CERS6: variants seen among roughly 807,000 people sequenced by gnomAD.
CERS6 encodes the protein LAG1 homolog, ceramide synthase 6.
A neutral mutation model predicts 56.8 loss-of-function variants in CERS6; 26 were observed. The observed-to-expected ratio is 0.46, with a 90% CI of 0.34 to 0.63. The LOEUF (loss-of-function observed/expected upper bound fraction) is 0.63, where lower values mean the gene tolerates loss of function less well. CERS6 is among the 30% of genes least tolerant of loss of function. The pLI, the probability that CERS6 is intolerant of heterozygous loss-of-function variation, is 0.01. For missense variants in CERS6, 415 were observed against 467.5 expected (o/e 0.89, Z 1.04); for synonymous variants, 164 against 173.3 (o/e 0.95, Z 0.42).
chr2:168,725,017 G>A (rs569992407), intron 8 of CERS6, among the ~76,000 whole-genome samples: 5 of 152,354 alleles, frequency 3.3e-5, no homozygotes, highest in African/African-American at 9.6e-5. Context: ...CAGGCATGGC[G>A]GGCTGCAGGT....
At chr2:168,652,998 G>A (rs185268980) in intron 4 of CERS6, among the ~76,000 whole-genome samples, 106 of 152,332 alleles carry the variant, frequency 7.0e-4, no homozygotes, top group African/African-American at 2.3e-3. Context: ...GCATTTATAC[G>A]TGTTGTGTAT....
At chr2:168,473,429 A>G (rs1275472621) in intron 1 of CERS6, among the ~76,000 whole-genome samples, 5 of 152,102 alleles carry the variant, frequency 3.3e-5, no homozygotes, top group Admixed American at 2.6e-4. Flanking sequence ...CATGTTTAAG[A>G]TGATTGTTTT....
At chr2:168,769,230 G>A (rs1684803565) in intron 9 of CERS6, among the ~76,000 whole-genome samples, 1 of 151,968 alleles carries the variant, frequency 6.6e-6, no homozygotes, top group Non-Finnish European at 1.5e-5. Flanking sequence ...ATTACAAGTG[G>A]GATTCATGGT....
chr2:168,533,315 A>C (rs918884359), intron 1 of CERS6, among the ~76,000 whole-genome samples: 96 of 151,592 alleles, frequency 6.3e-4, no homozygotes, highest in Non-Finnish European at 8.9e-5. Flanking sequence ...TATTGTTTGG[A>C]ACAGATTGGA....
At chr2:168,521,395 CTTGATAGATTTGTCATGAG>C (rs1256529072) in intron 1 of CERS6, among the ~76,000 whole-genome samples, 3 of 152,050 alleles carry the variant, frequency 2.0e-5, no homozygotes, top group East Asian at 1.9e-4. Flanking sequence ...ACCCTGTAAG[CTTGATAGATTTGTCATGAG>C]TTGATAGATT....
At chr2:168,724,198 G>A (rs1455882383) in intron 8 of CERS6, among the ~76,000 whole-genome samples, 5 of 151,364 alleles carry the variant, frequency 3.3e-5, no homozygotes, top group African/African-American at 9.7e-5. Context: ...GCAGACCTTC[G>A]CAGTGAGTGT....
intron 3 of CERS6, among the ~76,000 whole-genome samples, chr2:168,620,427 A>G (rs1684441791): frequency 6.6e-6 from 1 of 152,184 alleles, no homozygotes; most frequent in Non-Finnish European, 1.5e-5. Context: ...ATGAAAACAA[A>G]AAAAGTTTTT....
intron 8 of CERS6, among the ~76,000 whole-genome samples, chr2:168,751,152 A>G (rs751122023): frequency 6.6e-6 from 1 of 152,230 alleles, no homozygotes; most frequent in Non-Finnish European, 1.5e-5. Flanking sequence ...AGGTTATAGC[A>G]GGAAGTGTCA....
rs1424138212 is a variant in CERS6, at chr2:168,456,658, ACACACACGCGCG to A, written c.170+48_170+59del. On this transcript the variant is annotated intron_variant, in intron 1 of 9. Transcript: ENST00000305747. The surrounding 1 kb of genome is among the most constrained non-coding windows in gnomAD (Gnocchi z 4.1). ...AGCCCCTCCTCCCCTCCCCCTGCGC[ACACACACGCGCG>A]CACACACTCGCGCGCTCTCTGGCGC... 2 of 1,570,212 alleles carry A rather than the reference ACACACACGCGCG, an allele frequency of 1.3e-6. No homozygotes were observed. The highest frequency in any genetic ancestry group is 1.1e-5 in the South Asian group (1 of 89,100).
At chr2:168,558,773 G>C (rs2105379856) in intron 2 of CERS6, among the ~76,000 whole-genome samples, 1 of 152,330 alleles carries the variant, frequency 6.6e-6, no homozygotes, top group Non-Finnish European at 1.5e-5. Context: ...GGATGCTGAG[G>C]CAGGAGAATG....
At chr2:168,733,813 G>A (rs1683628348) in intron 8 of CERS6, among the ~76,000 whole-genome samples, 1 of 152,162 alleles carries the variant, frequency 6.6e-6, no homozygotes, top group South Asian at 2.1e-4. Flanking sequence ...ATGGACACAT[G>A]TGATAGTGAT....
In CERS6 at chr2:168,714,274, G is replaced by A. The variant is rs146616061; in HGVS notation, c.610-727G>A. 2.3e-3 allele frequency among the ~76,000 whole-genome samples: 345 copies of A among 152,282 alleles called. 2 individuals carry two copies. Among genetic ancestry groups the A allele is most frequent in the African/African-American group, 7.9e-3 (329 of 41,556 alleles). On this transcript the variant is annotated intron_variant, in intron 6 of 9. Coordinates refer to ENST00000305747, the MANE Select transcript of CERS6 (RefSeq NM_203463.3). ...TAAGATTTTAACATGAATTTGGTGGGCACACAAATATTTAGACCATAGCAC... is the reference window on the plus strand; with the variant it reads ...TAAGATTTTAACATGAATTTGGTGGACACACAAATATTTAGACCATAGCAC...
At chr2:168,493,218 T>C (rs952373181) in intron 1 of CERS6, among the ~76,000 whole-genome samples, 1 of 152,214 alleles carries the variant, frequency 6.6e-6, no homozygotes, top group African/African-American at 2.4e-5. Context: ...TTTTTTTCTT[T>C]CAGATCAGCC....
chr2:168,668,349 T>A (rs1685819284), intron 4 of CERS6, among the ~76,000 whole-genome samples: 1 of 152,088 alleles, frequency 6.6e-6, no homozygotes, highest in Non-Finnish European at 1.5e-5. Context: ...CTCCTCTTTA[T>A]CCATTATTCC....
At chr2:168,568,319 A>C (rs189622990) in intron 3 of CERS6, among the ~76,000 whole-genome samples, 1 of 152,330 alleles carries the variant, frequency 6.6e-6, no homozygotes, top group East Asian at 1.9e-4. Context: ...GGAATAACTG[A>C]ATTTATTAAG....
intron 1 of CERS6, among the ~76,000 whole-genome samples, chr2:168,483,445 G>C (rs953225293): frequency 2.6e-5 from 4 of 151,906 alleles, no homozygotes; most frequent in African/African-American, 9.7e-5. Context: ...GTTGAGGGAG[G>C]GCCAATCTCT....
chr2:168,636,904 C>A (rs556193381), intron 4 of CERS6, among the ~76,000 whole-genome samples: 1 of 152,150 alleles, frequency 6.6e-6, no homozygotes, highest in Non-Finnish European at 1.5e-5. Context: ...GCCGTCAGAA[C>A]GCCTGGGTTA....
At chr2:168,497,329 T>C (rs576173243) in intron 1 of CERS6, among the ~76,000 whole-genome samples, 11 of 149,274 alleles carry the variant, frequency 7.4e-5, no homozygotes, top group Non-Finnish European at 1.5e-4. Flanking sequence ...TAGTAAACTA[T>C]GAGAAAATAA....
At chr2:168,755,420 T>C (rs1347255106) in intron 8 of CERS6, among the ~76,000 whole-genome samples, 1 of 152,174 alleles carries the variant, frequency 6.6e-6, no homozygotes, top group African/African-American at 2.4e-5. Context: ...TCTCCATGTG[T>C]GTGACTCTCA....
Sources: gnomAD v4.1 joint callset for allele counts (sites outside exome capture counted in the v4.1 genomes callset) on GRCh38, gnomAD v4.1.1 for gene constraint, Gnocchi (gnomAD v3.1) non-coding constraint, MANE v1.5 for transcripts, NCBI Gene and HGNC (gene_info 2026-07-23, HGNC 2026-07-21) for gene names.